SLC44A5: variants seen among roughly 807,000 people sequenced by gnomAD.
The protein encoded by SLC44A5 is solute carrier family 44 member 5.
Under a neutral mutation model 101.8 loss-of-function variants are expected in SLC44A5, and 57 were observed. The ratio of observed to expected loss-of-function variants is 0.56; its 90% CI spans 0.45 to 0.70. The LOEUF is 0.70. Among genes scored for constraint, SLC44A5 ranks in the 30% least tolerant of loss-of-function variants. SLC44A5 has a pLI of 0.00. For missense variants in SLC44A5, 737 were observed against 853.1 expected (o/e 0.86, Z 1.70); for synonymous variants, 281 against 290.9 (o/e 0.97, Z 0.35).
chr1:75,489,906 C>T (rs1477365781), intron 2 of SLC44A5, among the ~76,000 whole-genome samples: 1 of 151,994 alleles, frequency 6.6e-6, no homozygotes, highest in African/African-American at 2.4e-5. Context: ...TACACACTAA[C>T]CCATATAAAG....
At chr1:75,306,733 C>CTTTTTGT (rs1654928677) in intron 4 of SLC44A5, among the ~76,000 whole-genome samples, 3 of 102,588 alleles carry the variant, frequency 2.9e-5, no homozygotes, top group Non-Finnish European at 5.4e-5. Flanking sequence ...GGTTTCCTTT[C>CTTTTTGT]TTTTTTTTTT....
At chr1:75,698,282 C>G in the SLC44A5 span, among the ~76,000 whole-genome samples, 1 of 152,172 alleles carries the variant, frequency 6.6e-6, no homozygotes, top group African/African-American at 2.4e-5. Flanking sequence ...AGCAGTGGTT[C>G]TCCCAGTACG....
rs139734996 is a variant in SLC44A5 at position 75,429,390 on chromosome 1, C to T, written c.14-32769G>A. Among the ~76,000 whole-genome samples the T allele has an allele frequency of 1.5e-3, 226 of 152,216 alleles. 2 individuals are homozygous for T. Among genetic ancestry groups the T allele is most frequent in the South Asian group, 6.6e-3 (32 of 4,824 alleles). ...GCTCCAGGGTCAGTATATCTGGATC[C>T]TCACTATCATGAACTAGCTTTGTGT... On this transcript the variant is annotated intron_variant, in intron 2 of 23. Transcript: ENST00000370859.
intron 9 of SLC44A5, among the ~76,000 whole-genome samples, chr1:75,241,431 T>C (rs1461310932): frequency 6.6e-6 from 1 of 152,006 alleles, no homozygotes; most frequent in African/African-American, 2.4e-5. Flanking sequence ...TTTCACTATG[T>C]TGCTGAGGTT....
intron 2 of SLC44A5, among the ~76,000 whole-genome samples, chr1:75,436,382 C>T (rs1557781849): frequency 3.3e-5 from 5 of 152,024 alleles, no homozygotes; most frequent in Non-Finnish European, 7.4e-5. Context: ...AGTTCTATTT[C>T]TTTCTAAAGA....
chr1:75,703,689 A>T, the SLC44A5 span, among the ~76,000 whole-genome samples: 2 of 151,462 alleles, frequency 1.3e-5, no homozygotes, highest in Non-Finnish European at 2.9e-5. Context: ...CTGAAAATGC[A>T]CTCCTCAGAG....
At chr1:75,562,131 A>C (rs565890282) in intron 1 of SLC44A5, among the ~76,000 whole-genome samples, 2 of 152,264 alleles carry the variant, frequency 1.3e-5, no homozygotes, top group South Asian at 2.1e-4. Context: ...TTAAAAAATT[A>C]AAAGAAACAC....
chr1:75,684,141 A>G, the SLC44A5 span, among the ~76,000 whole-genome samples: 5 of 152,252 alleles, frequency 3.3e-5, no homozygotes, highest in South Asian at 6.2e-4. Context: ...TTATAAAACC[A>G]TCAGATCTCC....
chr1:75,659,928 T>C, the SLC44A5 span, among the ~76,000 whole-genome samples: 2 of 151,922 alleles, frequency 1.3e-5, no homozygotes, highest in Admixed American at 6.6e-5. Context: ...AATCAATAAA[T>C]GTAATATATC....
At chr1:75,248,843 G>T (rs1476929015) in intron 7 of SLC44A5, among the ~76,000 whole-genome samples, 1 of 152,100 alleles carries the variant, frequency 6.6e-6, no homozygotes, top group Admixed American at 6.6e-5. Context: ...TTACAACTAA[G>T]TGAAAGGGGA....
At chr1:75,416,235 G>C (rs1016497248) in intron 2 of SLC44A5, among the ~76,000 whole-genome samples, 1 of 152,150 alleles carries the variant, frequency 6.6e-6, no homozygotes, top group African/African-American at 2.4e-5. Context: ...TTGTTGCTCT[G>C]TGTCCCAGCT....
At chr1:75,259,792 T>C (rs369969353) in intron 6 of SLC44A5, among the ~76,000 whole-genome samples, 59 of 152,110 alleles carry the variant, frequency 3.9e-4, no homozygotes, top group African/African-American at 1.3e-3. Context: ...AAGGTCAGGT[T>C]ACCCACAACG....
intron 3 of SLC44A5, among the ~76,000 whole-genome samples, chr1:75,352,564 G>A (rs977105014): frequency 6.6e-6 from 1 of 151,942 alleles, no homozygotes; most frequent in Non-Finnish European, 1.5e-5. Context: ...CAATTAGGAA[G>A]ATATACATTA....
chr1:75,369,176 G>A (rs1376282291), intron 3 of SLC44A5, among the ~76,000 whole-genome samples: 1 of 151,602 alleles, frequency 6.6e-6, no homozygotes, highest in Non-Finnish European at 1.5e-5. Flanking sequence ...ACTACACTTG[G>A]CTATTTTTTT....
At chr1:75,388,587 T>C (rs1446766817) in intron 3 of SLC44A5, among the ~76,000 whole-genome samples, 1 of 152,048 alleles carries the variant, frequency 6.6e-6, no homozygotes, top group Non-Finnish European at 1.5e-5. Flanking sequence ...AAGACCATCC[T>C]GGCTAACGTG....
chr1:75,524,096 C>T (rs1570521741), intron 2 of SLC44A5, among the ~76,000 whole-genome samples: 1 of 152,158 alleles, frequency 6.6e-6, no homozygotes, highest in African/African-American at 2.4e-5. Flanking sequence ...GAAAGGACCA[C>T]GTGGGAGGTG....
At chr1:75,404,971 A>G (rs1445711578) in intron 2 of SLC44A5, among the ~76,000 whole-genome samples, 1 of 152,250 alleles carries the variant, frequency 6.6e-6, no homozygotes, top group Non-Finnish European at 1.5e-5. Context: ...GCAAAGGCAC[A>G]CACAGGCTCA....
the SLC44A5 span, among the ~76,000 whole-genome samples, chr1:75,704,807 T>C: frequency 2.0e-5 from 3 of 152,286 alleles, no homozygotes; most frequent in Non-Finnish European, 2.9e-5. Context: ...AATTTCTTAT[T>C]TCTATTTCTT....
intron 6 of SLC44A5, among the ~76,000 whole-genome samples, chr1:75,260,570 T>C (rs1441085697): frequency 6.6e-6 from 1 of 152,042 alleles, no homozygotes; most frequent in African/African-American, 2.4e-5. Flanking sequence ...CACACAATAA[T>C]AGTGGGAGAC....
Sources: gnomAD v4.1 joint callset for allele counts (sites outside exome capture counted in the v4.1 genomes callset) on GRCh38, gnomAD v4.1.1 for gene constraint, MANE v1.5 for transcripts, NCBI Gene and HGNC (gene_info 2026-07-23, HGNC 2026-07-21) for gene names.